Variants in ATAD2B observed in about 807,000 individuals in gnomAD.
ATAD2B encodes ATPase family AAA domain containing 2B.
Under a neutral mutation model 167.6 loss-of-function variants are expected in ATAD2B, and 40 were observed. That is an observed-to-expected ratio of 0.24 (90% CI 0.19 to 0.31). The LOEUF (loss-of-function observed/expected upper bound fraction) is 0.31. ATAD2B is among the 10% of genes least tolerant of loss of function. ATAD2B has a pLI of 1.00. For synonymous variants in ATAD2B, 579 were observed against 596.5 expected, an observed-to-expected ratio of 0.97 and a Z score of 0.43; for missense variants, 1,242 against 1,757.2, an observed-to-expected ratio of 0.71 and a Z score of 5.24.
intron 13 of ATAD2B, among the ~76,000 whole-genome samples, chr2:23,838,967 G>C (rs188240939): frequency 6.6e-6 from 1 of 152,192 alleles, no homozygotes; most frequent in East Asian, 1.9e-4. Flanking sequence ...ATGTTTGCCA[G>C]TCAAGTTTTA....
chr2:23,897,831 C>T (rs1172490471), intron 1 of ATAD2B, among the ~76,000 whole-genome samples: 3 of 152,296 alleles, frequency 2.0e-5, no homozygotes, highest in Middle Eastern at 3.4e-3. Flanking sequence ...TCCTCTTAGT[C>T]AATGATAGTA....
intron 1 of ATAD2B, among the ~76,000 whole-genome samples, chr2:23,904,141 A>G (rs1347339800): frequency 6.6e-6 from 1 of 152,210 alleles, no homozygotes; most frequent in African/African-American, 2.4e-5. Flanking sequence ...GATATGAAAC[A>G]TGGTCATAAA....
At chr2:23,920,614 T>C (rs1205150902) in intron 1 of ATAD2B, among the ~76,000 whole-genome samples, 2 of 152,168 alleles carry the variant, frequency 1.3e-5, no homozygotes, top group Non-Finnish European at 2.9e-5. Flanking sequence ...CCTGCCTTCA[T>C]GGCACTTACG....
At chr2:23,694,349 G>C in the ATAD2B span, among the ~76,000 whole-genome samples, 3 of 152,034 alleles carry the variant, frequency 2.0e-5, no homozygotes, top group Admixed American at 6.5e-5. Context: ...TAAGTGGATC[G>C]ACTTCCCTCT....
At chr2:23,791,371 T>C (rs1219240730) in intron 19 of ATAD2B, among the ~76,000 whole-genome samples, 3 of 152,164 alleles carry the variant, frequency 2.0e-5, no homozygotes, top group African/African-American at 7.2e-5. Context: ...CATTTTACAA[T>C]CCCACCAGCA....
intron 22 of ATAD2B, among the ~76,000 whole-genome samples, chr2:23,781,330 A>C (rs930372047): frequency 6.9e-6 from 1 of 144,616 alleles, no homozygotes; most frequent in Non-Finnish European, 1.5e-5. Flanking sequence ...TCCTGACCAC[A>C]AAAAAATAAA....
intron 18 of ATAD2B, among the ~76,000 whole-genome samples, chr2:23,803,028 T>G (rs1165292880): frequency 2.0e-5 from 3 of 152,134 alleles, no homozygotes; most frequent in African/African-American, 2.4e-5. Context: ...AGATAAAATA[T>G]AGCACGCTTA....
At chr2:23,722,743 T>A in the ATAD2B span, among the ~76,000 whole-genome samples, 1 of 151,944 alleles carries the variant, frequency 6.6e-6, no homozygotes, top group South Asian at 2.1e-4. Flanking sequence ...TCAAACAGAT[T>A]CAACCCAAAC....
the ATAD2B span, among the ~76,000 whole-genome samples, chr2:23,726,023 G>A: frequency 2.6e-5 from 4 of 152,054 alleles, no homozygotes; most frequent in Admixed American, 6.6e-5. Context: ...ACTAAAAATG[G>A]AATTGCTATA....
intron 19 of ATAD2B, among the ~76,000 whole-genome samples, chr2:23,794,544 G>A (rs1011518674): frequency 6.6e-6 from 1 of 152,064 alleles, no homozygotes; most frequent in African/African-American, 2.4e-5. Flanking sequence ...AGCTGGTCTG[G>A]TGCAATGATT....
At chr2:23,744,578 T>C (rs1431360578), downstream of ATAD2B, among the ~76,000 whole-genome samples, 1 of 152,184 alleles carries the variant, frequency 6.6e-6, no homozygotes, top group African/African-American at 2.4e-5. Context: ...ATCATTGCAG[T>C]AACCACCATG....
intron 13 of ATAD2B, among the ~76,000 whole-genome samples, chr2:23,843,877 G>A (rs1691326197): frequency 6.6e-6 from 1 of 152,156 alleles, no homozygotes; most frequent in African/African-American, 2.4e-5. Flanking sequence ...TACTGCATCA[G>A]TAGCAGGGAA....
intron 20 of ATAD2B, among the ~76,000 whole-genome samples, chr2:23,786,955 C>T (rs1314572803): frequency 1.3e-5 from 2 of 151,550 alleles, no homozygotes; most frequent in Non-Finnish European, 2.9e-5. Context: ...TTCCTATCCC[C>T]AAAAGAATTC....
chr2:23,783,162 G>A (rs960926870), intron 21 of ATAD2B, 134 bp from the exon 22 acceptor site: 6 of 469,320 alleles, frequency 1.3e-5, no homozygotes, highest in African/African-American at 2.0e-5. Flanking sequence ...AGATAAAATT[G>A]CAGCGCTATT....
At chr2:23,784,773 T>TGG (rs148369736) in intron 21 of ATAD2B, among the ~76,000 whole-genome samples, 97 of 144,548 alleles carry the variant, frequency 6.7e-4, no homozygotes, top group Middle Eastern at 3.5e-3. Flanking sequence ...AAAAACACTA[T>TGG]GGGGGGGGGG....
intron 8 of ATAD2B, among the ~76,000 whole-genome samples, chr2:23,871,418 C>T (rs1695961741): frequency 6.6e-6 from 1 of 152,192 alleles, no homozygotes; most frequent in Non-Finnish European, 1.5e-5. Flanking sequence ...ACTTTCAACT[C>T]ATCAAGGCCT....
chr2:23,788,386 A>C, intron 20 of ATAD2B, 126 bp downstream of exon 20: 1 of 1,072,690 alleles, frequency 9.3e-7, no homozygotes, highest in East Asian at 2.4e-5. Flanking sequence ...ACGTCATCTA[A>C]AGATAAACAG....
the ATAD2B span, chr2:23,690,504 G>C: frequency 1.3e-5 from 2 of 152,294 alleles, no homozygotes; most frequent in East Asian, 1.9e-4. Context: ...GCGCGCAAGG[G>C]ACCCGTCACA....
the ATAD2B span, among the ~76,000 whole-genome samples, chr2:23,738,802 C>T: frequency 1.3e-5 from 2 of 151,808 alleles, no homozygotes; most frequent in African/African-American, 2.4e-5. Context: ...ATTCAGGAAA[C>T]CCATCTCACG....
Sources: allele counts gnomAD v4.1 joint callset (sites outside exome capture counted in the v4.1 genomes callset), GRCh38; gene constraint gnomAD v4.1.1; transcripts MANE v1.5; gene names NCBI Gene and HGNC (gene_info 2026-07-23, HGNC 2026-07-21).